CD99L2: variants seen among roughly 807,000 people sequenced by gnomAD.
The protein encoded by CD99L2 is CD99 molecule like 2.
CD99L2 carries 24 observed loss-of-function variants against 27.3 expected under a neutral mutation model. That is an observed-to-expected ratio of 0.88 (90% confidence interval 0.64 to 1.24). The LOEUF (loss-of-function observed/expected upper bound fraction) is 1.24. Among genes scored for constraint, CD99L2 ranks in the 50% most tolerant of loss-of-function variants. The pLI, the probability that CD99L2 is intolerant of heterozygous loss-of-function variation, is 0.00. For synonymous variants in CD99L2, 97 were observed against 87.9 expected (o/e 1.10, Z -0.58); for missense variants, 255 against 221.6 (o/e 1.15, Z -0.96).
intron 4 of CD99L2, among the ~76,000 whole-genome samples, chrX:150,798,776 ACT>A (rs1247645279): frequency 3.6e-5 from 4 of 112,566 alleles, no homozygotes; most frequent in African/African-American, 1.3e-4. Flanking sequence ...ACAGGGTCTC[ACT>A]CTGTCACCCA....
intron 9 of CD99L2, chrX:150,771,900 A>C: frequency 9.3e-7 from 1 of 1,075,643 alleles, no homozygotes; most frequent in Non-Finnish European, 1.2e-6. Flanking sequence ...TTCCACACTG[A>C]GGGCAAAGGC....
At chrX:150,811,161 C>T (rs782467311) in intron 4 of CD99L2, among the ~76,000 whole-genome samples, 42 of 111,853 alleles carry the variant, frequency 3.8e-4, no homozygotes, top group African/African-American at 1.4e-3. Flanking sequence ...TTCAATAAAG[C>T]ACATGAAAAG....
chrX:150,772,946 C>A (rs2043487061), intron 9 of CD99L2, among the ~76,000 whole-genome samples: 1 of 112,177 alleles, frequency 8.9e-6, no homozygotes, highest in Admixed American at 9.4e-5. Context: ...GACGGGGTTC[C>A]TGGGAGCTGC....
chrX:150,861,914 A>G (rs2046984280), intron 1 of CD99L2, among the ~76,000 whole-genome samples: 2 of 95,284 alleles, frequency 2.1e-5, no homozygotes, highest in South Asian at 9.5e-4. Flanking sequence ...TCAAAAAAAA[A>G]AAAAGAGAGA....
Position 150,822,876 on chromosome X carries a change from C to T in CD99L2, c.131-6798G>A, listed in dbSNP as rs551377345. On this transcript the variant is annotated intron_variant, in intron 2 of 10. Transcript: ENST00000370377. ...TTTGGCTGTGTTCTCTCCCAAATCT[C>T]ATCTTGAATTGTAGTTCTCATAATC... is the stretch of plus-strand genomic sequence containing the variant. Among the ~76,000 whole-genome samples the T allele has an allele frequency of 2.5e-4, 28 of 112,180 alleles. 1 individual carries two copies. In the South Asian group the frequency reaches 0.01, roughly 40 times the overall value.
At chrX:150,833,674 C>T (rs1165944819) in intron 1 of CD99L2, among the ~76,000 whole-genome samples, 1 of 111,866 alleles carries the variant, frequency 8.9e-6, no homozygotes, top group Non-Finnish European at 1.9e-5. Flanking sequence ...TAATTGATCT[C>T]CAACAAGGAC....
chrX:150,817,822 C>A (rs1484364625), intron 2 of CD99L2, among the ~76,000 whole-genome samples: 1 of 110,954 alleles, frequency 9.0e-6, no homozygotes, highest in African/African-American at 3.3e-5. Context: ...CTGTGAATAG[C>A]CACTGCACTC....
intron 1 of CD99L2, among the ~76,000 whole-genome samples, chrX:150,865,720 C>T (rs2032160861): frequency 8.9e-6 from 1 of 111,837 alleles, no homozygotes; most frequent in Non-Finnish European, 1.9e-5. Context: ...CATGGACCTA[C>T]TTGGAAATGG....
chrX:150,771,663 G>C, intron 9 of CD99L2: 1 of 641,743 alleles, frequency 1.6e-6, no homozygotes, highest in Non-Finnish European at 2.4e-6. Context: ...GTAAGCTAAA[G>C]ATGGTCCTGG....
At chrX:150,778,679 A>T (rs1423088926) in intron 7 of CD99L2, among the ~76,000 whole-genome samples, 63 of 24,129 alleles carry the variant, frequency 2.6e-3, no homozygotes, top group African/African-American at 6.6e-3. Context: ...ATAATAAAAA[A>T]AAAAAAATAT....
chrX:150,865,527 A>G (rs180704190), intron 1 of CD99L2, among the ~76,000 whole-genome samples: 1 of 111,785 alleles, frequency 8.9e-6, no homozygotes, highest in Admixed American at 9.5e-5. Flanking sequence ...TGTTTAAAAT[A>G]AGAGAGGGGT....
At position 150,770,424 on chromosome X, in the gene CD99L2, A is replaced by G. The variant is rs369447693; in HGVS notation, c.656-55T>C. 2.6e-3 allele frequency: 2,786 copies of G among 1,081,660 alleles called. 9 individuals carry two copies. The highest frequency in any genetic ancestry group is 0.012 in the African/African-American group (661 of 54,856). 89.1% of individuals were successfully genotyped at this position (1,081,660 alleles called of 1,213,427 possible). A position where few individuals can be genotyped will look rare whatever the true frequency, so the allele number is the denominator to read the frequency against. ...TGCGCACAGGACCTAAGGGTCCCCA[A>G]TCGTGACTGAGAACTCCTGACCAAG... On this transcript the variant is annotated intron_variant, in intron 9 of 10. Coordinates refer to ENST00000370377, the MANE Select transcript of CD99L2 (RefSeq NM_031462.4).
chrX:150,881,529 C>T (rs781830481), intron 1 of CD99L2, among the ~76,000 whole-genome samples: 5 of 112,654 alleles, frequency 4.4e-5, no homozygotes, highest in Non-Finnish European at 7.5e-5. Flanking sequence ...CAGTCAGTGC[C>T]CGCATCACCA....
At chrX:150,887,485 T>TAAAA (rs1195129996) in intron 1 of CD99L2, among the ~76,000 whole-genome samples, 3 of 103,035 alleles carry the variant, frequency 2.9e-5, no homozygotes, top group Admixed American at 1.0e-4. Context: ...AATAAATAAA[T>TAAAA]AAAATAAAAA....
At chrX:150,806,094 A>G (rs1262130607) in intron 4 of CD99L2, among the ~76,000 whole-genome samples, 1 of 112,398 alleles carries the variant, frequency 8.9e-6, no homozygotes, top group Admixed American at 9.4e-5. Flanking sequence ...ATCAATGTCA[A>G]TATCTTGGTT....
In CD99L2 at chrX:150,853,132, G is replaced by A. The variant is rs1050557277; in HGVS notation, c.68-21839C>T. Among the ~76,000 whole-genome samples the A allele has an allele frequency of 5.4e-5, 6 of 111,721 alleles. No homozygotes were observed. The East Asian group carries it at 8.4e-4, about 16-fold the overall frequency. On this transcript the variant is annotated intron_variant, in intron 1 of 10. Coordinates refer to ENST00000370377, the MANE Select transcript of CD99L2 (RefSeq NM_031462.4). ...CCACCATTCACAGCCACTTTAGGCCGTGTCACCCAGACTTGCACCTTCAGA... is the reference window on the plus strand; with the variant it reads ...CCACCATTCACAGCCACTTTAGGCCATGTCACCCAGACTTGCACCTTCAGA...
intron 7 of CD99L2, among the ~76,000 whole-genome samples, chrX:150,793,399 T>C (rs1236592978): frequency 8.9e-6 from 1 of 112,669 alleles, no homozygotes; most frequent in Non-Finnish European, 1.9e-5. Flanking sequence ...GGCCCCCAGT[T>C]ATTATCATTG....
At chrX:150,795,311 A>G (rs2045777570) in intron 5 of CD99L2, 22 bp from the exon 6 acceptor site, 1 of 1,208,130 alleles carries the variant, frequency 8.3e-7, no homozygotes, top group African/African-American at 1.7e-5. Context: ...CCCAAAATAA[A>G]AGAAATACTC....
At position 150,777,890 on chromosome X, in the gene CD99L2, G is replaced by A. The variant is rs782292977; in HGVS notation, c.497-408C>T. On this transcript the variant is annotated intron_variant, in intron 7 of 10. Transcript: ENST00000370377. ...AGTGCCACCACCACGGGTCTCTGAC[G>A]TAGCCACTGCCTCAACTATAGCTGA... Among the ~76,000 whole-genome samples the A allele has an allele frequency of 2.7e-4, 30 of 112,344 alleles. No homozygotes were observed. In the South Asian group the frequency reaches 4.8e-3, roughly 18 times the overall value.
Sources: allele counts gnomAD v4.1 joint callset (sites outside exome capture counted in the v4.1 genomes callset), GRCh38; gene constraint gnomAD v4.1.1; transcripts MANE v1.5; gene names NCBI Gene and HGNC (gene_info 2026-07-23, HGNC 2026-07-21).